The following PPEF1 variants were observed in gnomAD, a reference collection of about 807,000 sequenced individuals.
The protein encoded by PPEF1 is protein phosphatase with EF-hand domain 1.
In PPEF1, 12 loss-of-function variants were observed where a neutral mutation model predicts 53.3. That is an observed-to-expected ratio of 0.23 (90% CI 0.14 to 0.36). PPEF1 has a LOEUF of 0.36. Ranked by LOEUF, PPEF1 falls within the 10% of genes least tolerant of loss-of-function variation. PPEF1 has a pLI of 1.00. For missense variants in PPEF1, 334 were observed against 490.4 expected (o/e 0.68, Z 3.01); for synonymous variants, 165 against 176.7 (o/e 0.93, Z 0.52).
At chrX:18,706,737 C>G (rs1350860491), upstream of PPEF1, among the ~76,000 whole-genome samples, 1 of 108,479 alleles carries the variant, frequency 9.2e-6, no homozygotes, top group Non-Finnish European at 1.9e-5. Context: ...TAGAGCGAGA[C>G]TCCGTCTCAA....
intron 3 of PPEF1, among the ~76,000 whole-genome samples, chrX:18,739,118 G>T (rs1449335641): frequency 2.7e-5 from 3 of 112,491 alleles, no homozygotes; most frequent in Non-Finnish European, 5.6e-5. Flanking sequence ...ATCATCCGAG[G>T]CCTACGGCTG....
At chrX:18,678,116 G>GT (rs762200505), upstream of PPEF1, among the ~76,000 whole-genome samples, 398 of 76,793 alleles carry the variant, frequency 5.2e-3, 2 homozygotes, top group South Asian at 0.02. Context: ...GGGTGACAGA[G>GT]TGAGAACCTG....
intron 12 of PPEF1, among the ~76,000 whole-genome samples, chrX:18,817,768 CCTT>C (rs1458400020): frequency 1.8e-5 from 2 of 111,499 alleles, no homozygotes; most frequent in Non-Finnish European, 3.8e-5. Context: ...TCTTTATTTT[CCTT>C]CTTTTCAAAT....
chrX:18,776,199 C>T (rs1324902384), intron 6 of PPEF1, among the ~76,000 whole-genome samples: 1 of 98,832 alleles, frequency 1.0e-5, no homozygotes, highest in Non-Finnish European at 2.1e-5. Context: ...GAATCCTTCC[C>T]CCTTTCTTTG....
chrX:18,710,926 C>T, intron 1 of PPEF1, among the ~76,000 whole-genome samples: 1 of 110,442 alleles, frequency 9.1e-6, no homozygotes, highest in East Asian at 2.8e-4. Context: ...TATGGAATCA[C>T]CGTAAGTGTT....
chrX:18,823,635 AAAAT>A (rs61171450), intron 13 of PPEF1, among the ~76,000 whole-genome samples: 4,425 of 109,935 alleles, frequency 0.04, 226 homozygotes, highest in African/African-American at 0.14. Flanking sequence ...CTCAAAAAAA[AAAAT>A]AAATAAATAA....
At chrX:18,786,637 G>A (rs1434883582) in intron 9 of PPEF1, among the ~76,000 whole-genome samples, 1 of 109,020 alleles carries the variant, frequency 9.2e-6, no homozygotes, top group East Asian at 2.9e-4. Context: ...CAAAAAAATA[G>A]CTGGGCATGG....
At chrX:18,821,103 G>A (rs980136124) in intron 13 of PPEF1, among the ~76,000 whole-genome samples, 34 of 107,228 alleles carry the variant, frequency 3.2e-4, no homozygotes, top group African/African-American at 1.2e-3. Context: ...GGCGCCTGTA[G>A]TCCCAGCTAC....
chrX:18,825,208 G>T (rs2047143883), intron 14 of PPEF1, among the ~76,000 whole-genome samples: 1 of 111,491 alleles, frequency 9.0e-6, no homozygotes, highest in African/African-American at 3.3e-5. Flanking sequence ...CTAGGACTTG[G>T]GTGATCATTT....
chrX:18,797,596 A>G, intron 10 of PPEF1, among the ~76,000 whole-genome samples: 1 of 112,304 alleles, frequency 8.9e-6, no homozygotes, highest in Non-Finnish European at 1.9e-5. Context: ...ATGACCAAAT[A>G]AAGATCCGTT....
intron 1 of PPEF1, among the ~76,000 whole-genome samples, chrX:18,723,060 C>T (rs113083030): frequency 2.8e-5 from 3 of 108,725 alleles, no homozygotes; most frequent in East Asian, 2.9e-4. Context: ...TCTCGGCTCA[C>T]GGCAACCTCC....
chrX:18,812,120 A>G (rs187880920), intron 12 of PPEF1, among the ~76,000 whole-genome samples: 1 of 111,326 alleles, frequency 9.0e-6, no homozygotes, highest in African/African-American at 3.3e-5. Flanking sequence ...TTATAGGTTT[A>G]GCTCCTACAC....
chrX:18,801,983 CA>C (rs1208583667), intron 10 of PPEF1, among the ~76,000 whole-genome samples: 176 of 50,471 alleles, frequency 3.5e-3, no homozygotes, highest in East Asian at 0.022. Context: ...GACTCCATCA[CA>C]AAAAAAAAAA....
At chrX:18,754,453 A>G (rs965037976) in intron 4 of PPEF1, among the ~76,000 whole-genome samples, 2 of 111,590 alleles carry the variant, frequency 1.8e-5, no homozygotes, top group African/African-American at 6.5e-5. Context: ...TTCAATGATC[A>G]GAGAACAGCT....
intron 10 of PPEF1, among the ~76,000 whole-genome samples, chrX:18,799,162 G>A (rs898439614): frequency 9.1e-6 from 1 of 109,376 alleles, no homozygotes; most frequent in Non-Finnish European, 1.9e-5. Context: ...GAACCTGGGA[G>A]GCGGGGGTTG....
intron 5 of PPEF1, among the ~76,000 whole-genome samples, chrX:18,698,614 G>A (rs545917522): frequency 3.3e-4 from 37 of 111,638 alleles, no homozygotes; most frequent in South Asian, 3.0e-3. Context: ...GTGAAACCTC[G>A]TCTGTACTAA....
At chrX:18,692,298 T>C (rs1251424427) in intron 4 of PPEF1, among the ~76,000 whole-genome samples, 1 of 111,885 alleles carries the variant, frequency 8.9e-6, no homozygotes, top group Non-Finnish European at 1.9e-5. Context: ...CTTGTACCCT[T>C]TAATACCCTA....
At chrX:18,716,448 C>T (rs768604087) in intron 1 of PPEF1, among the ~76,000 whole-genome samples, 2 of 101,371 alleles carry the variant, frequency 2.0e-5, no homozygotes, top group Non-Finnish European at 3.9e-5. Flanking sequence ...AGGTGAATGG[C>T]GTGAACCCAG....
chrX:18,792,355 A>G (rs976222625), intron 10 of PPEF1, among the ~76,000 whole-genome samples: 5 of 112,064 alleles, frequency 4.5e-5, no homozygotes, highest in African/African-American at 1.3e-4. Context: ...TTTCCTTGCT[A>G]TAGTTGTATT....
Sources: gnomAD v4.1 joint callset for allele counts (sites outside exome capture counted in the v4.1 genomes callset) on GRCh38, gnomAD v4.1.1 for gene constraint, MANE v1.5 for transcripts, NCBI Gene and HGNC (gene_info 2026-07-23, HGNC 2026-07-21) for gene names.